NR1D2: variants seen among roughly 807,000 people sequenced by gnomAD.
The protein encoded by NR1D2 is nuclear receptor subfamily 1 group D member 2.
NR1D2 carries 25 observed loss-of-function variants against 52.2 expected under a neutral mutation model. The observed-to-expected ratio is 0.48, with a 90% CI of 0.35 to 0.67. The LOEUF is 0.67. Ranked by LOEUF, NR1D2 falls within the 30% of genes least tolerant of loss-of-function variation. The pLI is 0.01. For missense variants in NR1D2, 681 were observed against 707.2 expected, an observed-to-expected ratio of 0.96 and a Z score of 0.42; for synonymous variants, 259 against 230.1, an observed-to-expected ratio of 1.13 and a Z score of -1.14.
chr3:23,969,175 A>G (rs1706525183), intron 7 of NR1D2, among the ~76,000 whole-genome samples: 2 of 152,128 alleles, frequency 1.3e-5, no homozygotes, highest in Non-Finnish European at 2.9e-5. Context: ...AGTCCCAGCT[A>G]CTCAGGAGGC....
chr3:23,964,081 T>C (rs924280981), intron 5 of NR1D2, among the ~76,000 whole-genome samples: 29 of 151,836 alleles, frequency 1.9e-4, no homozygotes, highest in Non-Finnish European at 3.5e-4. Context: ...GACTTTTTTT[T>C]CTTTTTTTTT....
chr3:23,945,976 C>T (rs1705677770), intron 1 of NR1D2: 4 of 449,124 alleles, frequency 8.9e-6, no homozygotes, highest in Non-Finnish European at 1.2e-5. Flanking sequence ...CACGTGAGGC[C>T]GCTCGGCTCC....
At chr3:23,961,343 A>G (rs180886272) in intron 4 of NR1D2, among the ~76,000 whole-genome samples, 30 of 149,784 alleles carry the variant, frequency 2.0e-4, no homozygotes, top group African/African-American at 7.1e-4. Flanking sequence ...TCTGCTTCAA[A>G]CTGGTTTTCA....
In NR1D2 at chr3:23,979,417, A is replaced by G. The variant is rs2125302055; in HGVS notation, c.*1998A>G. 1 of 152,228 alleles carries G rather than the reference A, an allele frequency of 6.6e-6. No homozygotes were observed. Among genetic ancestry groups the G allele is most frequent in the Non-Finnish European group, 1.5e-5 (1 of 67,926 alleles). 9.4% of individuals were successfully genotyped at this position (152,228 alleles called of 1,614,324 possible). A position where few individuals can be genotyped will look rare whatever the true frequency, so the allele number is the denominator to read the frequency against. ...TTTGAAGTAATGAAAACCTCAAAAG[A>G]TCATGTTGATTCTTAATTTTTGCCT... On this transcript the variant is annotated 3_prime_UTR_variant, in exon 8 of 8. Transcript: ENST00000312521.
rs199961854 is a variant in NR1D2 at position 23,960,246 on chromosome 3, C to CA, written c.517+440dup. Among the ~76,000 whole-genome samples the CA allele has an allele frequency of 9.6e-3, 1,445 of 150,900 alleles. 3 individuals are homozygous for CA. The highest frequency in any genetic ancestry group is 0.02 in the Middle Eastern group (6 of 294). ...TGAAACCCCATATCTACTAAAAATGCAAAAAAAAATTAGCTGAGCGTGGTG... is the reference window on the plus strand; with the variant it reads ...TGAAACCCCATATCTACTAAAAATGCAAAAAAAAAATTAGCTGAGCGTGGTG... On this transcript the variant is annotated intron_variant, in intron 4 of 7. Coordinates refer to ENST00000312521, the MANE Select transcript of NR1D2 (RefSeq NM_005126.5).
At chr3:23,954,926 C>T in intron 2 of NR1D2, 123 bp downstream of exon 2, 1 of 817,788 alleles carries the variant, frequency 1.2e-6, no homozygotes, top group African/African-American at 1.7e-5. Flanking sequence ...GCTGGGTAAT[C>T]ATACATCAGT....
In NR1D2 at chr3:23,962,093, T is replaced by G. The variant is rs1328560955; in HGVS notation, c.634T>G (p.Leu212Val). The G allele has an allele frequency of 6.2e-7, 1 of 1,614,034 alleles. No individual in the cohort carries two copies. The highest frequency in any genetic ancestry group is 1.3e-5 in the African/African-American group (1 of 74,918). ...CAGTGGTCACTTGCAAAATGACACA[T>G]TAGTAGAACATCATGAACAGACAGC... ...QFSGHLQNDT[L>V]VEHHEQTALP... The change falls in exon 5 of 8, where the codon TTA becomes GTA. Residue 212 changes from leucine (L) to valine (V), a missense_variant. Leu to Val is a conservative substitution (Grantham distance 32, BLOSUM62 1). Transcript: ENST00000312521.
At chr3:23,957,929 C>T (rs1188019351) in intron 3 of NR1D2, among the ~76,000 whole-genome samples, 2 of 152,162 alleles carry the variant, frequency 1.3e-5, no homozygotes, top group South Asian at 4.1e-4. Flanking sequence ...TGTTGTGTCC[C>T]ATGACTACTT....
At chr3:23,971,755 C>G (rs1454480749) in intron 7 of NR1D2, among the ~76,000 whole-genome samples, 4 of 55,604 alleles carry the variant, frequency 7.2e-5, no homozygotes, top group African/African-American at 5.8e-4. Flanking sequence ...CTTAATTGTT[C>G]AAAGACAGTT....
rs1706807741 is a variant in NR1D2, at chr3:23,978,844, G to T, written c.*1425G>T. On this transcript the variant is annotated 3_prime_UTR_variant, in exon 8 of 8. Transcript: ENST00000312521. ...CAGGCTTAGAAATGGTATAGTCAAA[G>T]ACATTTTATCCACATTTCTAATAGT... 1 of 152,072 alleles carries T rather than the reference G, an allele frequency of 6.6e-6. No homozygotes were observed. The highest frequency in any genetic ancestry group is 2.4e-5 in the African/African-American group (1 of 41,406). 9.4% of individuals were successfully genotyped at this position (152,072 alleles called of 1,614,324 possible).
chr3:23,970,869 T>C (rs1410492637), intron 7 of NR1D2, among the ~76,000 whole-genome samples: 1 of 151,804 alleles, frequency 6.6e-6, no homozygotes, highest in Non-Finnish European at 1.5e-5. Flanking sequence ...GCAACCTCCC[T>C]CTCCTAGGTT....
In NR1D2 at chr3:23,979,554, A is replaced by AC. The variant is rs1386904162; in HGVS notation, c.*2136dup. On this transcript the variant is annotated 3_prime_UTR_variant, in exon 8 of 8. Transcript: ENST00000312521. ...AAAACTTTAGTTAGGTTCAATATAT[A>AC]CATATATACATCTCTATATAGGTAT... 3.9e-5 allele frequency: 6 copies of AC among 152,032 alleles called. No individual in the cohort carries two copies. The highest frequency in any genetic ancestry group is 8.8e-5 in the Non-Finnish European group (6 of 67,952). The allele number at this position is 152,032 out of a possible 1,614,324, so 9.4% of individuals were successfully genotyped here.
At chr3:23,968,078 G>T in intron 7 of NR1D2, 55 bp downstream of exon 7, 1 of 1,389,220 alleles carries the variant, frequency 7.2e-7, no homozygotes, top group African/African-American at 1.4e-5. Context: ...ACCAACTGGG[G>T]AGAAGATGGC....
At chr3:23,946,146 C>G (rs1314929559) in intron 1 of NR1D2, 1 of 985,198 alleles carries the variant, frequency 1.0e-6, no homozygotes, top group Non-Finnish European at 1.2e-6. Flanking sequence ...GGGTTGCACA[C>G]TGCGGAGGAG....
intron 2 of NR1D2, among the ~76,000 whole-genome samples, chr3:23,955,038 C>G (rs1434674980): frequency 2.0e-5 from 3 of 152,298 alleles, no homozygotes; most frequent in East Asian, 3.9e-4. Context: ...TCTGCCTGAC[C>G]CTGGTCCCTC....
chr3:23,964,338 A>C (rs907585991), intron 5 of NR1D2, among the ~76,000 whole-genome samples: 7 of 152,118 alleles, frequency 4.6e-5, no homozygotes, highest in African/African-American at 1.7e-4. Context: ...CGGTCTCCCA[A>C]AGTGCTGAGA....
intron 3 of NR1D2, among the ~76,000 whole-genome samples, chr3:23,958,504 G>A (rs545296818): frequency 6.6e-6 from 1 of 152,080 alleles, no homozygotes; most frequent in African/African-American, 2.4e-5. Context: ...AGCTGGATGT[G>A]GTAGCACATG....
chr3:23,963,145 T>C (rs1478096548), intron 5 of NR1D2: 1 of 567,108 alleles, frequency 1.8e-6, no homozygotes, highest in East Asian at 6.4e-5. Flanking sequence ...TCAGACTTCA[T>C]CTTATGAGAT....
chr3:23,969,550 A>T (rs1706534834), intron 7 of NR1D2, among the ~76,000 whole-genome samples: 1 of 152,204 alleles, frequency 6.6e-6, no homozygotes, highest in African/African-American at 2.4e-5. Flanking sequence ...TTGATAAGTA[A>T]TTAGTATTGG....
Sources: gnomAD v4.1 joint callset for allele counts (sites outside exome capture counted in the v4.1 genomes callset) on GRCh38, gnomAD v4.1.1 for gene constraint, MANE v1.5 for transcripts, NCBI Gene and HGNC (gene_info 2026-07-23, HGNC 2026-07-21) for gene names.